The following KCNH8 variants were observed in gnomAD, a reference collection of about 807,000 sequenced individuals.
The protein encoded by KCNH8 is potassium voltage-gated channel subfamily H member 8.
A neutral mutation model predicts 103.6 loss-of-function variants in KCNH8; 70 were observed. The ratio of observed to expected loss-of-function variants is 0.68; its 90% confidence interval spans 0.56 to 0.82. KCNH8 has a LOEUF of 0.82. Ranked by LOEUF, KCNH8 falls within the 40% of genes least tolerant of loss-of-function variation. The probability of loss-of-function intolerance (pLI) is 0.00; values close to 1 mark genes in which losing one functional copy is unlikely to be tolerated. For synonymous variants in KCNH8, 498 were observed against 489.4 expected, an observed-to-expected ratio of 1.02 and a Z score of -0.23; for missense variants, 1,217 against 1,329.9, an observed-to-expected ratio of 0.92 and a Z score of 1.32.
intron 4 of KCNH8, among the ~76,000 whole-genome samples, chr3:19,343,978 C>T (rs1019995876): frequency 2.1e-5 from 2 of 96,232 alleles, no homozygotes; most frequent in Admixed American, 1.0e-4. Context: ...ACTGTGGTCA[C>T]GCTTTGATTT....
At position 19,373,858 on chromosome 3, in the gene KCNH8, C is replaced by T. The variant is rs1360249346; in HGVS notation, c.812-16623C>T. On this transcript the variant is annotated intron_variant, in intron 5 of 15. Coordinates refer to ENST00000328405, the MANE Select transcript of KCNH8 (RefSeq NM_144633.3). Reference sequence around the variant, plus strand: ...AACTTCTTTATTTCTGCCTTCATTTCGTTATGTACCCATTAGTCATTCAGG... The same window carrying T: ...AACTTCTTTATTTCTGCCTTCATTTTGTTATGTACCCATTAGTCATTCAGG... 1.6e-4 allele frequency among the ~76,000 whole-genome samples: 25 copies of T among 152,074 alleles called. 1 individual carries two copies. Among genetic ancestry groups the T allele is most frequent in the Admixed American group, 8.5e-4 (13 of 15,264 alleles).
chr3:19,416,052 A>G (rs1240629573), intron 7 of KCNH8, among the ~76,000 whole-genome samples: 1 of 152,108 alleles, frequency 6.6e-6, no homozygotes, highest in Non-Finnish European at 1.5e-5. Context: ...TAATCTATTT[A>G]AAGCTATATA....
At chr3:19,331,127 G>GT (rs1301018162) in intron 3 of KCNH8, among the ~76,000 whole-genome samples, 1 of 151,390 alleles carries the variant, frequency 6.6e-6, no homozygotes, top group Non-Finnish European at 1.5e-5. Flanking sequence ...CTGGGGGGAA[G>GT]TTTTTTTTGA....
intron 11 of KCNH8, among the ~76,000 whole-genome samples, chr3:19,470,905 G>A (rs1351408466): frequency 2.6e-5 from 4 of 152,124 alleles, no homozygotes; most frequent in Non-Finnish European, 1.5e-5. Context: ...TTTAAAATAT[G>A]CTGCAGTGGC....
intron 3 of KCNH8, among the ~76,000 whole-genome samples, chr3:19,323,464 TAATAA>T (rs1359163548): frequency 6.6e-6 from 1 of 151,966 alleles, no homozygotes; most frequent in Admixed American, 6.6e-5. Flanking sequence ...AAAATAATAA[TAATAA>T]AATAAAATAA....
Position 19,308,693 on chromosome 3 carries a change from T to C in KCNH8, c.442+27364T>C, listed in dbSNP as rs951498313. 3.0e-3 allele frequency among the ~76,000 whole-genome samples: 204 copies of C among 67,762 alleles called. 8 individuals carry two copies. Among genetic ancestry groups the C allele is most frequent in the African/African-American group, 8.1e-3 (102 of 12,548 alleles). 44.5% of individuals were successfully genotyped at this position (67,762 alleles called of 152,430 possible). A position where few individuals can be genotyped will look rare whatever the true frequency, so the allele number is the denominator to read the frequency against. ...CTCTCTCTCTCTCTCTCTCTCTCTC[T>C]CTCTCTCTCTCTCTCTCTCTCTCTC... On this transcript the variant is annotated intron_variant, in intron 3 of 15. Coordinates refer to ENST00000328405, the MANE Select transcript of KCNH8 (RefSeq NM_144633.3).
chr3:19,337,683 T>G (rs958467070), intron 3 of KCNH8, among the ~76,000 whole-genome samples: 3 of 152,062 alleles, frequency 2.0e-5, no homozygotes, highest in African/African-American at 7.2e-5. Context: ...ATGTGCCAGC[T>G]TTGCTCCATG....
intron 8 of KCNH8, among the ~76,000 whole-genome samples, chr3:19,447,603 G>C (rs2125180215): frequency 6.6e-6 from 1 of 152,102 alleles, no homozygotes; most frequent in East Asian, 1.9e-4. Context: ...AGATGGTAGG[G>C]CTTCCAAACA....
intron 11 of KCNH8, among the ~76,000 whole-genome samples, chr3:19,470,691 G>A (rs2067837323): frequency 1.3e-5 from 2 of 152,170 alleles, no homozygotes; most frequent in Admixed American, 6.5e-5. Context: ...AGACAAGAAC[G>A]AGAAAGAGGG....
intron 4 of KCNH8, among the ~76,000 whole-genome samples, chr3:19,344,667 G>A (rs1316191275): frequency 6.6e-6 from 1 of 152,020 alleles, no homozygotes; most frequent in Non-Finnish European, 1.5e-5. Context: ...ATAGAAGGAA[G>A]GCAGAAGGGA....
At chr3:19,165,566 A>G (rs908899133) in intron 1 of KCNH8, among the ~76,000 whole-genome samples, 2 of 152,238 alleles carry the variant, frequency 1.3e-5, no homozygotes, top group African/African-American at 4.8e-5. Flanking sequence ...AGGTAAAAAC[A>G]GCCTTTTGGG....
chr3:19,438,033 T>C (rs1301154824), intron 7 of KCNH8, 131 bp from the exon 8 acceptor site: 1 of 736,196 alleles, frequency 1.4e-6, no homozygotes. Context: ...TTGCCTTTAA[T>C]TTCCTTTTTA....
rs1491117852 is a variant in KCNH8, at chr3:19,318,662, T to TGTGTAC, written c.443-23925_443-23924insGTGTAC. On this transcript the variant is annotated intron_variant, in intron 3 of 15. Coordinates refer to ENST00000328405, the MANE Select transcript of KCNH8 (RefSeq NM_144633.3). The stretch of plus-strand genomic sequence containing the variant: ...GTAAGTGTGTGTGTGTGTGTGTGTG[T>TGTGTAC]ACACACACACACACACACACACACA... Among the ~76,000 whole-genome samples the TGTGTAC allele has an allele frequency of 1.4e-3, 194 of 142,552 alleles. 2 individuals are homozygous for TGTGTAC. The highest frequency in any genetic ancestry group is 4.7e-3 in the African/African-American group (184 of 38,750). The allele number at this position is 142,552 out of a possible 152,430, so 93.5% of individuals were successfully genotyped here. A position where few individuals can be genotyped will look rare whatever the true frequency, so the allele number is the denominator to read the frequency against.
chr3:19,193,546 A>G (rs2063573026), intron 1 of KCNH8, among the ~76,000 whole-genome samples: 1 of 151,724 alleles, frequency 6.6e-6, no homozygotes, highest in Non-Finnish European at 1.5e-5. Flanking sequence ...GTTTCCGTGC[A>G]AAGATCAGAT....
At chr3:19,270,320 A>G (rs980212865) in intron 2 of KCNH8, among the ~76,000 whole-genome samples, 7 of 152,148 alleles carry the variant, frequency 4.6e-5, no homozygotes, top group Non-Finnish European at 8.8e-5. Context: ...TGCATACCCA[A>G]TTGGAACCCT....
intron 3 of KCNH8, among the ~76,000 whole-genome samples, chr3:19,291,497 A>G (rs1293608503): frequency 6.6e-6 from 1 of 152,116 alleles, no homozygotes; most frequent in Admixed American, 6.5e-5. Flanking sequence ...TCATTTCGTT[A>G]TGTACCCAGT....
intron 1 of KCNH8, among the ~76,000 whole-genome samples, chr3:19,230,458 A>G (rs917220755): frequency 6.6e-6 from 1 of 152,212 alleles, no homozygotes; most frequent in Admixed American, 6.5e-5. Context: ...CATCTTACTC[A>G]GAACCAGATA....
Position 19,533,952 on chromosome 3 carries a change from T to C in KCNH8, c.3177T>C (p.Thr1059=), listed in dbSNP as rs902586711. Residue 1059 remains threonine (T), a synonymous_variant, in exon 16 of 16, where the codon ACT becomes ACC. Coordinates refer to ENST00000328405, the MANE Select transcript of KCNH8 (RefSeq NM_144633.3). ...RSEEGSFSQG[T]VSSFSLENLP... ...AGGAGGGCAGCTTCAGTCAGGGAAC[T>C]GTGAGTTCCTTCAGTCTGGAAAACT... 3 of 1,614,044 alleles carry C rather than the reference T, an allele frequency of 1.9e-6. No individual in the cohort carries two copies. In the African/African-American group the frequency reaches 4.0e-5, roughly 22 times the overall value.
intron 1 of KCNH8, among the ~76,000 whole-genome samples, chr3:19,252,953 T>A (rs1559444004): frequency 6.6e-6 from 1 of 152,154 alleles, no homozygotes; most frequent in Admixed American, 6.5e-5. Context: ...TTAGCTTAAG[T>A]GGGTAGGTCA....
Sources: allele counts gnomAD v4.1 joint callset (sites outside exome capture counted in the v4.1 genomes callset), GRCh38; gene constraint gnomAD v4.1.1; transcripts MANE v1.5; gene names NCBI Gene and HGNC (gene_info 2026-07-23, HGNC 2026-07-21).